The following B3GALT1 variants were observed in gnomAD, a reference collection of about 807,000 sequenced individuals.
B3GALT1 encodes beta-1,3-galactosyltransferase 1.
A neutral mutation model predicts 23.2 loss-of-function variants in B3GALT1; 10 were observed. That is an observed-to-expected ratio of 0.43 (90% CI 0.27 to 0.73). The LOEUF (loss-of-function observed/expected upper bound fraction) is 0.73. Among genes scored for constraint, B3GALT1 ranks in the 30% least tolerant of loss-of-function variants. The pLI, the probability that B3GALT1 is intolerant of heterozygous loss-of-function variation, is 0.21. For missense variants in B3GALT1, 299 were observed against 405.4 expected, an observed-to-expected ratio of 0.74 and a Z score of 2.25; for synonymous variants, 156 against 141.5, an observed-to-expected ratio of 1.10 and a Z score of -0.73.
chr2:167,564,022 C>T (rs1189062391), intron 2 of B3GALT1, among the ~76,000 whole-genome samples: 3 of 150,436 alleles, frequency 2.0e-5, no homozygotes, highest in African/African-American at 2.4e-5. Flanking sequence ...ACCTCCCTCC[C>T]GGACGAGGTG....
Position 167,293,114 on chromosome 2 carries a change from G to A in B3GALT1, c.-731G>A. On this transcript the variant is annotated 5_prime_UTR_variant, in exon 1 of 5. Coordinates refer to ENST00000392690, the MANE Select transcript of B3GALT1 (RefSeq NM_020981.4). ...GGGCGCCGCCGCCGCCTCTGCTGCT[G>A]CCCACCCCGCCGCGCCGCCGGCGCT... is the stretch of plus-strand genomic sequence containing the variant. The A allele has an allele frequency of 6.6e-6, 1 of 151,128 alleles. No individual in the cohort carries two copies. The highest frequency in any genetic ancestry group is 1.5e-5 in the Non-Finnish European group (1 of 67,676). 9.4% of individuals were successfully genotyped at this position (151,128 alleles called of 1,614,324 possible). A position where few individuals can be genotyped will look rare whatever the true frequency, so the allele number is the denominator to read the frequency against.
intron 3 of B3GALT1, among the ~76,000 whole-genome samples, chr2:167,771,340 A>G (rs1688069278): frequency 6.6e-6 from 1 of 152,198 alleles, no homozygotes; most frequent in African/African-American, 2.4e-5. Flanking sequence ...CTGTAATCCC[A>G]GCACTTTGGG....
chr2:167,740,098 CTAAATAAATAAA>C (rs57363909), intron 3 of B3GALT1, among the ~76,000 whole-genome samples: 288 of 142,990 alleles, frequency 2.0e-3, no homozygotes, highest in African/African-American at 4.2e-3. Context: ...GACTCTGTCT[CTAAATAAATAAA>C]TAAATAAATA....
intron 3 of B3GALT1, among the ~76,000 whole-genome samples, chr2:167,684,263 G>A (rs1306515804): frequency 6.6e-6 from 1 of 152,190 alleles, no homozygotes; most frequent in African/African-American, 2.4e-5. Flanking sequence ...AATGATTTGT[G>A]TATGTTTATT....
chr2:167,796,171 G>A (rs574126442), intron 3 of B3GALT1, among the ~76,000 whole-genome samples: 7 of 152,182 alleles, frequency 4.6e-5, no homozygotes, highest in Non-Finnish European at 7.4e-5. Context: ...TTAAATATGT[G>A]ACTAACTTGT....
chr2:167,411,224 T>TA (rs1698385826), intron 1 of B3GALT1, among the ~76,000 whole-genome samples: 1 of 150,618 alleles, frequency 6.6e-6, no homozygotes, highest in African/African-American at 2.4e-5. Context: ...ATCTTCTGTA[T>TA]AACAACAACA....
chr2:167,531,383 T>G (rs1028662169), intron 2 of B3GALT1, among the ~76,000 whole-genome samples: 1 of 152,128 alleles, frequency 6.6e-6, no homozygotes, highest in East Asian at 1.9e-4. Context: ...ATGTAGTCTT[T>G]TCTTTTTTTC....
chr2:167,741,147 A>G (rs1430982377), intron 3 of B3GALT1, among the ~76,000 whole-genome samples: 2 of 152,160 alleles, frequency 1.3e-5, no homozygotes, highest in Admixed American at 6.5e-5. Flanking sequence ...GCCAGTTTGT[A>G]TCTATATAGG....
chr2:167,747,648 G>A (rs932483069), intron 3 of B3GALT1, among the ~76,000 whole-genome samples: 5 of 152,158 alleles, frequency 3.3e-5, no homozygotes, highest in African/African-American at 1.2e-4. Context: ...AGTGAAGAAA[G>A]CAAACATCCA....
At chr2:167,450,223 ATT>A (rs61648126) in intron 1 of B3GALT1, among the ~76,000 whole-genome samples, 2,794 of 150,486 alleles carry the variant, frequency 0.019, 89 homozygotes, top group African/African-American at 0.062. Context: ...GTCCTGGAAT[ATT>A]TTTTTTTTTG....
chr2:167,708,734 C>T (rs1442287992), intron 3 of B3GALT1, among the ~76,000 whole-genome samples: 2 of 152,172 alleles, frequency 1.3e-5, no homozygotes, highest in Non-Finnish European at 2.9e-5. Flanking sequence ...CTTCTAGCTC[C>T]AGCCCCAGGC....
chr2:167,797,690 C>T (rs1310470496), intron 3 of B3GALT1, among the ~76,000 whole-genome samples: 2 of 151,248 alleles, frequency 1.3e-5, no homozygotes, highest in African/African-American at 4.9e-5. Flanking sequence ...TGAGATGTAT[C>T]TCATTGTGGA....
chr2:167,584,318 C>CT (rs1316910328), intron 2 of B3GALT1, among the ~76,000 whole-genome samples: 1 of 152,118 alleles, frequency 6.6e-6, no homozygotes, highest in Non-Finnish European at 1.5e-5. Context: ...CCTTTATCCC[C>CT]TTGAAGCATT....
chr2:167,335,654 G>A (rs1272668202), intron 1 of B3GALT1, among the ~76,000 whole-genome samples: 3 of 152,162 alleles, frequency 2.0e-5, no homozygotes, highest in Non-Finnish European at 4.4e-5. Context: ...AACTGTCATG[G>A]TGCTGGTAGG....
intron 3 of B3GALT1, among the ~76,000 whole-genome samples, chr2:167,742,576 C>T (rs1687591882): frequency 6.6e-6 from 1 of 152,154 alleles, no homozygotes; most frequent in Non-Finnish European, 1.5e-5. Context: ...TGTTCTATCA[C>T]AGCAGAAAGA....
chr2:167,669,765 C>T (rs1482774838), intron 3 of B3GALT1, among the ~76,000 whole-genome samples: 3 of 151,814 alleles, frequency 2.0e-5, no homozygotes, highest in South Asian at 4.2e-4. Context: ...AAGAGAGACC[C>T]CCTTGGCCTA....
intron 1 of B3GALT1, among the ~76,000 whole-genome samples, chr2:167,322,048 A>G (rs1227370039): frequency 2.0e-5 from 3 of 152,060 alleles, no homozygotes; most frequent in African/African-American, 4.8e-5. Context: ...GAGGTACTAA[A>G]GGTGAGACCT....
chr2:167,522,626 C>T (rs1431360456), intron 2 of B3GALT1, among the ~76,000 whole-genome samples: 1 of 152,060 alleles, frequency 6.6e-6, no homozygotes, highest in Non-Finnish European at 1.5e-5. Flanking sequence ...AATTAAAATA[C>T]ACTGCTAATT....
At chr2:167,465,923 C>T (rs913854057) in intron 1 of B3GALT1, among the ~76,000 whole-genome samples, 11 of 151,986 alleles carry the variant, frequency 7.2e-5, no homozygotes, top group African/African-American at 2.4e-4. Context: ...TCTCCAAGGG[C>T]CTTTCTCACA....
Sources: allele counts gnomAD v4.1 joint callset (sites outside exome capture counted in the v4.1 genomes callset), GRCh38; gene constraint gnomAD v4.1.1; transcripts MANE v1.5; gene names NCBI Gene and HGNC (gene_info 2026-07-23, HGNC 2026-07-21).